The following SLC44A3 variants were observed in gnomAD, a reference collection of about 807,000 sequenced individuals.
The protein encoded by SLC44A3 is solute carrier family 44 member 3, also known as choline transporter-like protein 3.
Under a neutral mutation model 75.4 loss-of-function variants are expected in SLC44A3, and 74 were observed. The ratio of observed to expected loss-of-function variants is 0.98; its 90% CI spans 0.81 to 1.19. SLC44A3 has a LOEUF of 1.19. Ranked by LOEUF, SLC44A3 falls within the 50% of genes most tolerant of loss-of-function variation. The pLI is 0.00. For missense variants in SLC44A3, 700 were observed against 778.6 expected, an observed-to-expected ratio of 0.90 and a Z score of 1.20; for synonymous variants, 310 against 296.9, an observed-to-expected ratio of 1.04 and a Z score of -0.45.
intron 5 of SLC44A3, among the ~76,000 whole-genome samples, chr1:94,831,537 C>T (rs1308400668): frequency 6.6e-6 from 1 of 152,082 alleles, no homozygotes; most frequent in African/African-American, 2.4e-5. Context: ...AATTTGTGGA[C>T]CTAGGTATGA....
intron 14 of SLC44A3, among the ~76,000 whole-genome samples, chr1:94,893,206 G>C (rs1670413527): frequency 6.6e-6 from 1 of 151,996 alleles, no homozygotes; most frequent in Non-Finnish European, 1.5e-5. Context: ...TATGATATTT[G>C]CATACTTTTC....
chr1:94,851,705 G>A (rs1283142710), intron 9 of SLC44A3, among the ~76,000 whole-genome samples: 2 of 152,214 alleles, frequency 1.3e-5, no homozygotes, highest in Non-Finnish European at 2.9e-5. Flanking sequence ...CATGCTGCCA[G>A]AGCCGAAGCT....
chr1:94,870,173 G>GT (rs1667598885), intron 12 of SLC44A3, among the ~76,000 whole-genome samples: 1 of 152,222 alleles, frequency 6.6e-6, no homozygotes, highest in South Asian at 2.1e-4. Context: ...TAAATACTGA[G>GT]TGTGTGCATA....
chr1:94,828,119 A>C (rs1661623443), intron 4 of SLC44A3, among the ~76,000 whole-genome samples: 1 of 152,232 alleles, frequency 6.6e-6, no homozygotes. Flanking sequence ...GCACTTGTAT[A>C]ACTAAAATAC....
intron 9 of SLC44A3, among the ~76,000 whole-genome samples, chr1:94,850,835 C>T (rs916691469): frequency 3.9e-5 from 6 of 152,124 alleles, no homozygotes; most frequent in African/African-American, 1.4e-4. Flanking sequence ...CTTTCTCTGG[C>T]ACATTCAATA....
At chr1:94,857,644 G>A (rs760089277) in intron 10 of SLC44A3, 144 bp downstream of exon 10, 4 of 787,532 alleles carry the variant, frequency 5.1e-6, no homozygotes, top group South Asian at 2.7e-5. Flanking sequence ...TAAAATTTGG[G>A]CTGTATTCTC....
At chr1:94,888,196 C>T (rs1669813622) in intron 12 of SLC44A3, among the ~76,000 whole-genome samples, 1 of 152,218 alleles carries the variant, frequency 6.6e-6, no homozygotes, top group Non-Finnish European at 1.5e-5. Context: ...AGTCTGGCTA[C>T]AGAGCCTGTG....
chr1:94,824,763 C>A, intron 3 of SLC44A3, 128 bp downstream of exon 3: 2 of 1,139,522 alleles, frequency 1.8e-6, no homozygotes, highest in Non-Finnish European at 2.4e-6. Context: ...AAAAGGAAGG[C>A]TGTGTATATA....
At chr1:94,834,157 C>T (rs937934804) in intron 5 of SLC44A3, among the ~76,000 whole-genome samples, 2 of 152,038 alleles carry the variant, frequency 1.3e-5, no homozygotes, top group Admixed American at 6.5e-5. Context: ...TCAGTAATAC[C>T]CCACCATACC....
rs11435512 is a variant in SLC44A3 at position 94,881,856 on chromosome 1, CA to C, written c.1483-9260del. Among the ~76,000 whole-genome samples, 696 of 138,974 alleles carry C rather than the reference CA, an allele frequency of 5.0e-3. 4 individuals are homozygous for C. The highest frequency in any genetic ancestry group is 9.0e-3 in the African/African-American group (336 of 37,198). 91.2% of individuals were successfully genotyped at this position (138,974 alleles called of 152,430 possible). ...TGAAACCCCGTCTCTACTAAAAATACAAAAAAAAAAAAAATTAGCTGGGCAT... is the reference window on the plus strand; with the variant it reads ...TGAAACCCCGTCTCTACTAAAAATACAAAAAAAAAAAAATTAGCTGGGCAT... On this transcript the variant is annotated intron_variant, in intron 12 of 14. Coordinates refer to ENST00000271227, the MANE Select transcript of SLC44A3 (RefSeq NM_001114106.3).
rs1172043772 is a variant in SLC44A3 at position 94,840,004 on chromosome 1, A to G, written c.727A>G (p.Ile243Val). Reference sequence around the variant, plus strand: ...ATTCATCACCACCCTTCTGGTTCACATTTTCATTTCATTGGTTATTTTGGG... The same window carrying G: ...ATTCATCACCACCCTTCTGGTTCACGTTTTCATTTCATTGGTTATTTTGGG... ...FRFITTLLVH[I>V]FISLVILGLL... is the part of the protein sequence containing the mutation. The change falls in exon 7 of 15, where the codon ATT becomes GTT. Residue 243 changes from isoleucine (I) to valine (V), a missense_variant. Transcript: ENST00000271227. 1 of 1,613,878 alleles carries G rather than the reference A, an allele frequency of 6.2e-7. No homozygotes were observed. The highest frequency in any genetic ancestry group is 1.7e-5 in the Admixed American group (1 of 59,990).
At chr1:94,879,838 CA>C (rs763642670) in intron 12 of SLC44A3, among the ~76,000 whole-genome samples, 173 of 60,800 alleles carry the variant, frequency 2.8e-3, no homozygotes, top group South Asian at 3.4e-3. Context: ...GATTCTGTCT[CA>C]AAAAAAAAAA....
chr1:94,846,375 T>C (rs1664407696), intron 9 of SLC44A3, among the ~76,000 whole-genome samples: 1 of 152,166 alleles, frequency 6.6e-6, no homozygotes, highest in Non-Finnish European at 1.5e-5. Context: ...TGGTTTGCGG[T>C]GGGACCTAGT....
In SLC44A3 at chr1:94,835,174, G is replaced by A. The variant is rs1662616659; in HGVS notation, c.510-2537G>A. Among the ~76,000 whole-genome samples, 3 of 152,190 alleles carry A rather than the reference G, an allele frequency of 2.0e-5. No homozygotes were observed. In the South Asian group the frequency reaches 6.2e-4, roughly 31 times the overall value. ...AACTAAGAAACTTGTCACAGGCCAG[G>A]CACAGTGGCTCACACCTGTAATCCC... On this transcript the variant is annotated intron_variant, in intron 5 of 14. Transcript: ENST00000271227.
chr1:94,832,393 C>G lies in SLC44A3; in HGVS notation c.509+3807C>G, dbSNP rs147724721. Among the ~76,000 whole-genome samples, 28 of 151,972 alleles carry G rather than the reference C, an allele frequency of 1.8e-4. 1 individual carries two copies. The highest frequency in any genetic ancestry group is 1.8e-3 in the Admixed American group (27 of 15,256). On this transcript the variant is annotated intron_variant, in intron 5 of 14. Transcript: ENST00000271227. ...AAATAATAGAACAGTGTGCAGTATA[C>G]TTTTGCATAAAAAGTGGAAAATGTA... is the stretch of plus-strand genomic sequence containing the variant.
At chr1:94,892,081 C>T (rs942993272) in intron 13 of SLC44A3, among the ~76,000 whole-genome samples, 200 bp from the exon 14 acceptor site, 1 of 152,152 alleles carries the variant, frequency 6.6e-6, no homozygotes, top group Non-Finnish European at 1.5e-5. Context: ...TTCCTACTCG[C>T]CATTAACTGG....
chr1:94,820,543 C>G, intron 1 of SLC44A3, 65 bp downstream of exon 1: 5 of 1,459,866 alleles, frequency 3.4e-6, no homozygotes, highest in Non-Finnish European at 4.5e-6. Flanking sequence ...CCCCCGCCTT[C>G]ACGCACCTTC....
chr1:94,855,829 G>A (rs3906197), intron 9 of SLC44A3, among the ~76,000 whole-genome samples: 30,923 of 152,110 alleles, frequency 0.2, 3,366 homozygotes, highest in Middle Eastern at 0.27. Flanking sequence ...TATAGCTATG[G>A]CAGGAAATAT....
intron 12 of SLC44A3, among the ~76,000 whole-genome samples, chr1:94,873,402 T>C (rs1041173896): frequency 2.0e-5 from 3 of 152,210 alleles, no homozygotes; most frequent in African/African-American, 7.2e-5. Context: ...TTCTGACTGA[T>C]GAATATACTG....
Sources: allele counts gnomAD v4.1 joint callset (sites outside exome capture counted in the v4.1 genomes callset), GRCh38; gene constraint gnomAD v4.1.1; transcripts MANE v1.5; gene names NCBI Gene and HGNC (gene_info 2026-07-23, HGNC 2026-07-21).